UBR1: variants seen among roughly 807,000 people sequenced by gnomAD.
UBR1 encodes the protein E3 ubiquitin-protein ligase UBR1.
UBR1 carries 102 observed loss-of-function variants against 242.1 expected under a neutral mutation model. The observed-to-expected ratio is 0.42, with a 90% CI of 0.36 to 0.50. UBR1 has a LOEUF of 0.50. UBR1 is among the 20% of genes least tolerant of loss of function. The pLI is 0.01. For missense variants in UBR1, 1,772 were observed against 2,101.8 expected, an observed-to-expected ratio of 0.84 and a Z score of 3.07; for synonymous variants, 675 against 684.8, an observed-to-expected ratio of 0.99 and a Z score of 0.22.
chr15:43,014,504 C>T (rs2032979715), intron 29 of UBR1, among the ~76,000 whole-genome samples: 1 of 151,598 alleles, frequency 6.6e-6, no homozygotes, highest in Non-Finnish European at 1.5e-5. Context: ...CACCCATCGT[C>T]TGAGATGTGG....
intron 40 of UBR1, 49 bp from the exon 41 acceptor site, chr15:42,966,335 G>A: frequency 6.2e-7 from 1 of 1,609,418 alleles, no homozygotes; most frequent in Non-Finnish European, 8.5e-7. Context: ...TCAGACTAAA[G>A]CCCTAGATTT....
At chr15:42,951,666 T>C (rs1256778103) in intron 45 of UBR1, among the ~76,000 whole-genome samples, 1 of 152,222 alleles carries the variant, frequency 6.6e-6, no homozygotes, top group African/African-American at 2.4e-5. Context: ...TCTCACTCTG[T>C]TGCCCAGGCT....
Position 43,059,715 on chromosome 15 carries a change from A to C in UBR1, c.972T>G (p.Ile324Met). The change falls in exon 8 of 47, where the codon ATT (isoleucine) becomes ATG (methionine). Residue 324 changes from isoleucine to methionine, a missense_variant. By Grantham distance (10) the Ile-to-Met change is conservative. Coordinates refer to ENST00000290650, the MANE Select transcript of UBR1 (RefSeq NM_174916.3). ...ALRLGSWMNK[I>M]MSYSSDFRQI... is the part of the protein sequence containing the mutation. Reference sequence around the variant, plus strand: ...AGGTATGCTTACTTGAATAGCTCATAATTTTGTTCATCCAGGAACCAAGAC... The same window carrying C: ...AGGTATGCTTACTTGAATAGCTCATCATTTTGTTCATCCAGGAACCAAGAC... 1 of 1,614,102 alleles carries C rather than the reference A, an allele frequency of 6.2e-7. No homozygotes were observed. The highest frequency in any genetic ancestry group is 8.5e-7 in the Non-Finnish European group (1 of 1,179,998).
intron 28 of UBR1, among the ~76,000 whole-genome samples, chr15:43,016,471 ATTATC>A (rs772068354): frequency 4.6e-5 from 7 of 152,178 alleles, no homozygotes; most frequent in Admixed American, 2.0e-4. Context: ...AAGATATACC[ATTATC>A]TTATATTTCT....
At chr15:42,997,595 G>A (rs77547387) in intron 33 of UBR1, among the ~76,000 whole-genome samples, 4,230 of 152,208 alleles carry the variant, frequency 0.028, 196 homozygotes, top group African/African-American at 0.091. Context: ...TCTCACAACT[G>A]TAAAGAATAT....
At chr15:43,089,392 G>A (rs1226994400) in intron 1 of UBR1, among the ~76,000 whole-genome samples, 1 of 152,034 alleles carries the variant, frequency 6.6e-6, no homozygotes, top group African/African-American at 2.4e-5. Flanking sequence ...CTACTCGGGA[G>A]GCTGAGGCAG....
chr15:43,085,407 T>C (rs1209320407), intron 2 of UBR1, among the ~76,000 whole-genome samples: 1 of 152,162 alleles, frequency 6.6e-6, no homozygotes. Flanking sequence ...TGACATTCCG[T>C]TGGAGAACAG....
In UBR1 at chr15:42,944,908, T is replaced by A; in HGVS notation, c.*421A>T. The A allele has an allele frequency of 4.5e-6, 1 of 221,384 alleles. No individual in the cohort carries two copies. The highest frequency in any genetic ancestry group is 9.1e-6 in the Non-Finnish European group (1 of 109,722). 13.7% of individuals were successfully genotyped at this position (221,384 alleles called of 1,614,324 possible). A position where few individuals can be genotyped will look rare whatever the true frequency, so the allele number is the denominator to read the frequency against. ...TCTTCTTTAACTGCAAGGAAGACTA[T>A]CACAGATTATTAGAATTTTGTCAGT... is the stretch of plus-strand genomic sequence containing the variant. On this transcript the variant is annotated 3_prime_UTR_variant, in exon 47 of 47. Transcript: ENST00000290650.
chr15:43,103,595 A>G (rs1344534814), intron 1 of UBR1, among the ~76,000 whole-genome samples: 1 of 152,208 alleles, frequency 6.6e-6, no homozygotes, highest in East Asian at 1.9e-4. Flanking sequence ...ATTCATACGT[A>G]TTATTTTATT....
intron 1 of UBR1, among the ~76,000 whole-genome samples, chr15:43,103,832 G>C (rs2034266318): frequency 6.6e-6 from 1 of 152,182 alleles, no homozygotes; most frequent in Admixed American, 6.5e-5. Flanking sequence ...GGGAACAACT[G>C]AGCTTGTATT....
intron 29 of UBR1, among the ~76,000 whole-genome samples, chr15:43,015,374 G>A (rs2033005094): frequency 6.6e-6 from 1 of 152,002 alleles, no homozygotes; most frequent in Non-Finnish European, 1.5e-5. Context: ...AACATGTGCT[G>A]TGTCCACTCA....
chr15:42,991,384 G>A (rs549730958), intron 33 of UBR1, among the ~76,000 whole-genome samples: 3 of 151,488 alleles, frequency 2.0e-5, no homozygotes, highest in East Asian at 2.0e-4. Context: ...CTACAGACAC[G>A]CACCACTGTG....
At chr15:43,040,011 T>C (rs572900143) in intron 15 of UBR1, among the ~76,000 whole-genome samples, 1 of 152,264 alleles carries the variant, frequency 6.6e-6, no homozygotes, top group Admixed American at 6.5e-5. Context: ...ACTGTGAAAA[T>C]GACCATGCTG....
At chr15:43,014,298 C>T (rs1184058903) in intron 29 of UBR1, among the ~76,000 whole-genome samples, 3 of 152,204 alleles carry the variant, frequency 2.0e-5, no homozygotes, top group Non-Finnish European at 2.9e-5. Context: ...TCTGCCCAGC[C>T]GCCACCCCGT....
At chr15:42,994,181 G>A (rs1038945238) in intron 33 of UBR1, among the ~76,000 whole-genome samples, 6 of 151,844 alleles carry the variant, frequency 4.0e-5, no homozygotes, top group East Asian at 1.9e-4. Context: ...TATAAGTATC[G>A]TACATAATTT....
chr15:43,017,082 T>C lies in UBR1; in HGVS notation c.3027+13A>G. The stretch of plus-strand genomic sequence containing the variant: ...AATGTCACCATTACTACAGTGTTAT[T>C]ACAGTGTCATACCTCATCATTCTTA... On this transcript the variant is annotated intron_variant, in intron 28 of 46. Transcript: ENST00000290650. 6.3e-7 allele frequency: 1 copy of C among 1,595,190 alleles called. No homozygotes were observed. Among genetic ancestry groups the C allele is most frequent in the Non-Finnish European group, 8.6e-7 (1 of 1,163,112 alleles).
chr15:42,989,106 G>A (rs1200734223), intron 34 of UBR1, 139 bp from the exon 35 acceptor site: 1 of 722,564 alleles, frequency 1.4e-6, no homozygotes, highest in Non-Finnish European at 2.2e-6. Context: ...TTAGAGATTA[G>A]AGCCTCCAAA....
intron 10 of UBR1, 22 bp from the exon 11 acceptor site, chr15:43,056,464 T>A (rs1413616686): frequency 6.6e-7 from 1 of 1,519,870 alleles, no homozygotes; most frequent in East Asian, 2.3e-5. Flanking sequence ...AAGTAGAGAA[T>A]CAATTATAAA....
intron 1 of UBR1, among the ~76,000 whole-genome samples, chr15:43,100,563 A>G (rs1258330437): frequency 6.6e-6 from 1 of 152,168 alleles, no homozygotes; most frequent in Non-Finnish European, 1.5e-5. Flanking sequence ...GTGGCCAGGC[A>G]TGGTGGCTCA....
Sources: allele counts gnomAD v4.1 joint callset (sites outside exome capture counted in the v4.1 genomes callset), GRCh38; gene constraint gnomAD v4.1.1; transcripts MANE v1.5; gene names NCBI Gene and HGNC (gene_info 2026-07-23, HGNC 2026-07-21).